KALRN: variants seen among roughly 807,000 people sequenced by gnomAD.
KALRN encodes kalirin RhoGEF kinase, also known as kalirin.
In KALRN, 70 loss-of-function variants were observed where a neutral mutation model predicts 353.7. The ratio of observed to expected loss-of-function variants is 0.20; its 90% CI spans 0.16 to 0.24. The LOEUF is 0.24. KALRN is among the 10% of genes least tolerant of loss of function. The pLI, the probability that KALRN is intolerant of heterozygous loss-of-function variation, is 1.00. For synonymous variants in KALRN, 1,391 were observed against 1,434.8 expected (o/e 0.97, Z 0.69); for missense variants, 2,791 against 3,756.7 (o/e 0.74, Z 6.72).
intron 1 of KALRN, among the ~76,000 whole-genome samples, chr3:124,071,160 A>T (rs2060001648): frequency 6.6e-6 from 1 of 152,188 alleles, no homozygotes; most frequent in African/African-American, 2.4e-5. Flanking sequence ...ATGCCTGTGT[A>T]GGTGTGCTGG....
intron 1 of KALRN, among the ~76,000 whole-genome samples, chr3:124,186,945 T>C (rs953454939): frequency 6.6e-6 from 1 of 152,212 alleles, no homozygotes; most frequent in Non-Finnish European, 1.5e-5. Context: ...TGCTGAATTA[T>C]GCAGGTGATT....
At chr3:124,504,061 C>T (rs1171418960) in intron 33 of KALRN, among the ~76,000 whole-genome samples, 1 of 152,128 alleles carries the variant, frequency 6.6e-6, no homozygotes, top group African/African-American at 2.4e-5. Context: ...CGGAAGTGCT[C>T]TCGTGGTACT....
intron 3 of KALRN, among the ~76,000 whole-genome samples, chr3:124,245,835 C>T (rs9819976): frequency 0.6 from 91,727 of 151,986 alleles, 28,081 homozygotes; most frequent in African/African-American, 0.64. Flanking sequence ...AATGTCTATT[C>T]GGATCTTTTG....
intron 1 of KALRN, among the ~76,000 whole-genome samples, chr3:124,106,531 A>G (rs2062329102): frequency 6.6e-6 from 1 of 152,180 alleles, no homozygotes; most frequent in African/African-American, 2.4e-5. Flanking sequence ...CTCACCTCCA[A>G]GGGCCAGCTC....
At chr3:124,188,865 TCCCACAGTAGCAATGCAGAGGGG>T (rs535688801) in intron 1 of KALRN, among the ~76,000 whole-genome samples, 8 of 152,250 alleles carry the variant, frequency 5.3e-5, no homozygotes, top group South Asian at 2.1e-4. Context: ...TACCCCCAAG[TCCCACAGTAGCAATGCAGAGGGG>T]CCCAGGTAGA....
chr3:124,550,341 C>G (rs910199399), intron 33 of KALRN, among the ~76,000 whole-genome samples: 1 of 152,114 alleles, frequency 6.6e-6, no homozygotes, highest in African/African-American at 2.4e-5. Context: ...GAAAGAGAAT[C>G]TGCAAGACTG....
chr3:124,683,765 C>A (rs890935756), intron 51 of KALRN, among the ~76,000 whole-genome samples: 2 of 152,142 alleles, frequency 1.3e-5, no homozygotes, highest in Non-Finnish European at 1.5e-5. Context: ...AGATATTTAG[C>A]TTGGGGAGTT....
chr3:124,320,729 A>G (rs1208137279), intron 6 of KALRN, among the ~76,000 whole-genome samples: 1 of 152,216 alleles, frequency 6.6e-6, no homozygotes, highest in Admixed American at 6.5e-5. Flanking sequence ...TTGAAAGAGC[A>G]TGGCTCAGAA....
intron 47 of KALRN, among the ~76,000 whole-genome samples, chr3:124,668,053 C>G (rs2085877697): frequency 1.5e-5 from 1 of 65,276 alleles, no homozygotes; most frequent in Non-Finnish European, 3.3e-5. Flanking sequence ...GACACACACA[C>G]ACACACACAC....
At chr3:124,191,237 T>C (rs1027972119) in intron 1 of KALRN, among the ~76,000 whole-genome samples, 2 of 152,052 alleles carry the variant, frequency 1.3e-5, no homozygotes, top group African/African-American at 4.8e-5. Flanking sequence ...TTATGGAGTC[T>C]TCATTGTATA....
At chr3:124,609,798 T>C (rs991818817) in intron 34 of KALRN, among the ~76,000 whole-genome samples, 3 of 152,356 alleles carry the variant, frequency 2.0e-5, no homozygotes, top group African/African-American at 4.8e-5. Context: ...GCTGTCACTA[T>C]TGGGTTAAGT....
At chr3:124,637,028 G>C (rs2081421217) in intron 36 of KALRN, 180 bp from the exon 37 acceptor site, 1 of 600,736 alleles carries the variant, frequency 1.7e-6, no homozygotes, top group Non-Finnish European at 3.0e-6. Context: ...CCTAATAAGG[G>C]GTTGGGCAGG....
chr3:124,566,453 C>T (rs2072846960), intron 34 of KALRN, among the ~76,000 whole-genome samples: 1 of 151,444 alleles, frequency 6.6e-6, no homozygotes, highest in Non-Finnish European at 1.5e-5. Context: ...TGCAGTGAGC[C>T]ATGATCATAC....
At chr3:124,387,426 C>T (rs989578730) in intron 11 of KALRN, among the ~76,000 whole-genome samples, 3 of 152,148 alleles carry the variant, frequency 2.0e-5, no homozygotes, top group African/African-American at 7.2e-5. Context: ...TGATAATTCT[C>T]GTTTTTTAAA....
At chr3:124,575,479 C>T (rs2074000017) in intron 34 of KALRN, among the ~76,000 whole-genome samples, 1 of 152,216 alleles carries the variant, frequency 6.6e-6, no homozygotes, top group Admixed American at 6.5e-5. Flanking sequence ...GACTTCATCT[C>T]CTATGTATTC....
intron 33 of KALRN, among the ~76,000 whole-genome samples, chr3:124,557,523 A>G (rs2071416197): frequency 6.6e-6 from 1 of 152,160 alleles, no homozygotes; most frequent in Non-Finnish European, 1.5e-5. Context: ...AGAGAAAGAC[A>G]GTTTTTGCAC....
intron 13 of KALRN, chr3:124,407,640 G>C (rs2091708746): frequency 6.6e-6 from 1 of 152,060 alleles, no homozygotes. Flanking sequence ...GAGCAATCTG[G>C]CAGAGTCGGT....
intron 1 of KALRN, among the ~76,000 whole-genome samples, chr3:124,103,482 C>T (rs1314418663): frequency 2.0e-5 from 3 of 152,110 alleles, no homozygotes; most frequent in Admixed American, 6.5e-5. Flanking sequence ...TGCTCTTCAC[C>T]TTGTGGACAG....
intron 6 of KALRN, among the ~76,000 whole-genome samples, chr3:124,307,730 C>A (rs989365365): frequency 1.3e-4 from 19 of 151,708 alleles, no homozygotes; most frequent in South Asian, 4.1e-4. Flanking sequence ...ATAAAAAAGA[C>A]ATATAGAAAA....
Sources: allele counts gnomAD v4.1 joint callset (sites outside exome capture counted in the v4.1 genomes callset), GRCh38; gene constraint gnomAD v4.1.1; transcripts MANE v1.5; gene names NCBI Gene and HGNC (gene_info 2026-07-23, HGNC 2026-07-21).